Variants in UNKL observed in about 807,000 individuals in gnomAD.
UNKL encodes putative E3 ubiquitin-protein ligase UNKL.
UNKL carries 60 observed loss-of-function variants against 78.0 expected under a neutral mutation model. The ratio of observed to expected loss-of-function variants is 0.77; its 90% CI spans 0.63 to 0.95. The LOEUF (loss-of-function observed/expected upper bound fraction) is 0.95, where lower values mean the gene tolerates loss of function less well. Among genes scored for constraint, UNKL ranks in the 40% least tolerant of loss-of-function variants. UNKL has a pLI of 0.00. For missense variants in UNKL, 1,159 were observed against 1,045.7 expected (o/e 1.11, Z -1.49); for synonymous variants, 608 against 474.8 (o/e 1.28, Z -3.65).
rs1567220937 is a variant in UNKL at position 1,387,872 on chromosome 16, G to A, written c.1087-2487C>T. Reference sequence around the variant, plus strand: ...GGTCTGCCCAGGTCCGTGCTCTGGGGCACGGTCCCTACACACAAGCTGCCC... The same window carrying A: ...GGTCTGCCCAGGTCCGTGCTCTGGGACACGGTCCCTACACACAAGCTGCCC... On this transcript the variant is annotated intron_variant, in intron 9 of 14. Coordinates refer to ENST00000389221, the MANE Select transcript of UNKL (RefSeq NM_001372107.1). This position sits in a 1 kb window ranked among gnomAD's most constrained non-coding sequence, Gnocchi z 4.1. 1.3e-5 allele frequency among the ~76,000 whole-genome samples: 2 copies of A among 151,630 alleles called. No homozygotes were observed. Among genetic ancestry groups the A allele is most frequent in the African/African-American group, 2.4e-5 (1 of 41,258 alleles).
At chr16:1,404,408 C>T (rs1390249458) in intron 2 of UNKL, among the ~76,000 whole-genome samples, 2 of 152,200 alleles carry the variant, frequency 1.3e-5, no homozygotes, top group African/African-American at 4.8e-5. Context: ...TAGCCCCATC[C>T]TCTAAGGTCA....
At chr16:1,393,325 G>GGAA (rs1271135014) in intron 7 of UNKL, among the ~76,000 whole-genome samples, 4 of 152,144 alleles carry the variant, frequency 2.6e-5, no homozygotes, top group Middle Eastern at 3.4e-3. Context: ...GGCCGTGTGG[G>GGAA]TTCCCACTGA....
At chr16:1,393,358 G>C (rs1336628921) in intron 7 of UNKL, among the ~76,000 whole-genome samples, 1 of 148,384 alleles carries the variant, frequency 6.7e-6, no homozygotes, top group African/African-American at 2.5e-5. Flanking sequence ...GGGCTGCGAG[G>C]AGGAAACCCA....
chr16:1,374,810 C>T (rs1386543889), intron 10 of UNKL, among the ~76,000 whole-genome samples: 1 of 152,196 alleles, frequency 6.6e-6, no homozygotes, highest in Non-Finnish European at 1.5e-5. Context: ...AAGGACTCGG[C>T]AGCCAAGGGG....
At chr16:1,394,023 C>G in intron 7 of UNKL, 108 bp downstream of exon 7, 2 of 1,173,112 alleles carry the variant, frequency 1.7e-6, no homozygotes, top group South Asian at 2.8e-5. Flanking sequence ...AGCTCCTGCC[C>G]GCCTTCCAGG....
intron 13 of UNKL, 88 bp downstream of exon 13, chr16:1,367,568 C>A: frequency 1.4e-6 from 1 of 692,550 alleles, no homozygotes; most frequent in Non-Finnish European, 2.2e-6. Context: ...CCCTCCCTCC[C>A]TCCCCTCCCA....
intron 2 of UNKL, among the ~76,000 whole-genome samples, chr16:1,413,243 CAAAAAAAAAAAAAAAAAAAAAAAAA>C (rs546295462): frequency 1.4e-5 from 1 of 71,648 alleles, no homozygotes; most frequent in African/African-American, 5.6e-5. Context: ...GACCCTGTCT[CAAAAAAAAAAAAAAAAAAAAAAAAA>C]AAAAAAAAAA....
chr16:1,380,383 C>A (rs1360395551), intron 10 of UNKL, among the ~76,000 whole-genome samples: 3 of 152,184 alleles, frequency 2.0e-5, no homozygotes, highest in African/African-American at 7.2e-5. Flanking sequence ...ACACCTGGGG[C>A]CAGACAGTCC....
chr16:1,388,748 C>G (rs1291119702), intron 9 of UNKL, among the ~76,000 whole-genome samples: 1 of 152,092 alleles, frequency 6.6e-6, no homozygotes, highest in Non-Finnish European at 1.5e-5. Context: ...CCGTTCTCCC[C>G]GTGGGGACGC....
Position 1,374,509 on chromosome 16 carries a change from G to A in UNKL, c.1265-2898C>T, listed in dbSNP as rs558863520. On this transcript the variant is annotated intron_variant, in intron 10 of 14. Coordinates refer to ENST00000389221, the MANE Select transcript of UNKL (RefSeq NM_001372107.1). ...CACCCCGGGGAAACCTGTCAGACCC[G>A]ACCGTGGGGGTCGGCGCGCCGGGAA... Among the ~76,000 whole-genome samples the A allele has an allele frequency of 2.8e-4, 42 of 152,262 alleles. No individual in the cohort carries two copies. The South Asian group carries it at 5.8e-3, about 21-fold the overall frequency.
chr16:1,372,876 G>A (rs1166638069), intron 10 of UNKL, among the ~76,000 whole-genome samples: 7 of 132,228 alleles, frequency 5.3e-5, no homozygotes, highest in African/African-American at 1.4e-4. Flanking sequence ...CCTCAGCAGC[G>A]TGGAGCACAC....
chr16:1,370,868 G>A (rs1334542345), intron 11 of UNKL, among the ~76,000 whole-genome samples: 6 of 152,156 alleles, frequency 3.9e-5, no homozygotes, highest in Non-Finnish European at 7.4e-5. Context: ...CAGATCACGG[G>A]GTCAGGAGAT....
chr16:1,374,731 T>C (rs10903008), intron 10 of UNKL, among the ~76,000 whole-genome samples: 148,264 of 152,252 alleles, frequency 0.97, 72,199 homozygotes, highest in East Asian at 1. Flanking sequence ...TCGTCAGGAC[T>C]TGGTGGCCAT....
At position 1,367,180 on chromosome 16, in the gene UNKL, C is replaced by A. The variant is rs35080336; in HGVS notation, c.1958G>T (p.Arg653Leu). Reference protein sequence around the residue: ...LGVASTLPGLRGCGDIGTIPL... With the variant: ...LGVASTLPGLLGCGDIGTIPL... ...AATGGTGCCGATGTCCCCACAGCCC[C>A]GCAGCCCCGGCAGTGTGGAGGCTAC... The change falls in exon 14 of 15, where the codon CGG becomes CTG. Residue 653 changes from arginine (R) to leucine (L), a missense_variant. Arg to Leu is a moderately radical substitution (Grantham distance 102). Coordinates refer to ENST00000389221, the MANE Select transcript of UNKL (RefSeq NM_001372107.1). The A allele has an allele frequency of 1.9e-6, 3 of 1,605,958 alleles. No homozygotes were observed. Among genetic ancestry groups the A allele is most frequent in the Non-Finnish European group, 2.5e-6 (3 of 1,178,132 alleles).
At chr16:1,405,395 A>G (rs1206769973) in intron 2 of UNKL, among the ~76,000 whole-genome samples, 1 of 151,772 alleles carries the variant, frequency 6.6e-6, no homozygotes. Flanking sequence ...AGAGTTCAAG[A>G]CCAGCCTGGC....
chr16:1,365,714 A>T lies in UNKL; in HGVS notation c.*526T>A, dbSNP rs928081803. 6.5e-6 allele frequency: 1 copy of T among 152,752 alleles called. No homozygotes were observed. Among genetic ancestry groups the T allele is most frequent in the African/African-American group, 2.4e-5 (1 of 41,476 alleles). 9.5% of individuals were successfully genotyped at this position (152,752 alleles called of 1,614,324 possible). ...GAATATGAAATCTAATATATTTAGC[A>T]TACTATGAATTGACAATAAACTGAT... is the stretch of plus-strand genomic sequence containing the variant. On this transcript the variant is annotated 3_prime_UTR_variant, in exon 15 of 15. Coordinates refer to ENST00000389221, the MANE Select transcript of UNKL (RefSeq NM_001372107.1).
In UNKL at chr16:1,399,130, GC is replaced by G; in HGVS notation, c.734+243del. The G allele has an allele frequency of 8.6e-7, 1 of 1,166,742 alleles. No individual in the cohort carries two copies. The highest frequency in any genetic ancestry group is 1.2e-6 in the Non-Finnish European group (1 of 858,656). The allele number at this position is 1,166,742 out of a possible 1,614,324, so 72.3% of individuals were successfully genotyped here. A position where few individuals can be genotyped will look rare whatever the true frequency, so the allele number is the denominator to read the frequency against. On this transcript the variant is annotated intron_variant, in intron 5 of 14. Coordinates refer to ENST00000389221, the MANE Select transcript of UNKL (RefSeq NM_001372107.1). The surrounding 1 kb of genome is among the most constrained non-coding windows in gnomAD (Gnocchi z 5.8). ...CTCCGTCCCCTTGCCTGGCAGAGGG[GC>G]CCCGGTAGGGGACTGCATGGGAGAC...
At chr16:1,398,951 C>A (rs1261623208) in intron 5 of UNKL, 1 of 1,539,788 alleles carries the variant, frequency 6.5e-7, no homozygotes, top group Admixed American at 2.0e-5. Flanking sequence ...GCTGTGAAGA[C>A]AAGATTGAGC....
At position 1,403,903 on chromosome 16, in the gene UNKL, A is replaced by G. The variant is rs751680051; in HGVS notation, c.288-559T>C. Among the ~76,000 whole-genome samples the G allele has an allele frequency of 1.2e-4, 18 of 152,114 alleles. No individual in the cohort carries two copies. Among genetic ancestry groups the G allele is most frequent in the Middle Eastern group, 3.2e-3 (1 of 316 alleles). On this transcript the variant is annotated intron_variant, in intron 2 of 14. Coordinates refer to ENST00000389221, the MANE Select transcript of UNKL (RefSeq NM_001372107.1). This position sits in a 1 kb window ranked among gnomAD's most constrained non-coding sequence, Gnocchi z 4.8. ...GGCGGCAGATGGCGTGGTGGGGAAC[A>G]CAGGTGAGGTAGCATCACCATCCCA...
Sources: allele counts gnomAD v4.1 joint callset (sites outside exome capture counted in the v4.1 genomes callset), GRCh38; gene constraint gnomAD v4.1.1; non-coding constraint Gnocchi (gnomAD v3.1); transcripts MANE v1.5; gene names NCBI Gene and HGNC (gene_info 2026-07-23, HGNC 2026-07-21).